ARRDC5: variants seen among roughly 807,000 people sequenced by gnomAD.
The protein encoded by ARRDC5 is arrestin domain containing 5, also known as arrestin domain-containing protein 5.
In ARRDC5, 12 loss-of-function variants were observed where a neutral mutation model predicts 13.3. The observed-to-expected ratio is 0.90, with a 90% CI of 0.58 to 1.46. The LOEUF (loss-of-function observed/expected upper bound fraction) is 1.46. Among genes scored for constraint, ARRDC5 ranks in the 40% most tolerant of loss-of-function variants. The pLI is 0.00. For missense variants in ARRDC5, 406 were observed against 418.7 expected, an observed-to-expected ratio of 0.97 and a Z score of 0.26; for synonymous variants, 181 against 173.4, an observed-to-expected ratio of 1.04 and a Z score of -0.34.
chr19:4,896,273 C>A (rs1365428190), intron 2 of ARRDC5, among the ~76,000 whole-genome samples: 4 of 142,098 alleles, frequency 2.8e-5, no homozygotes, highest in Non-Finnish European at 1.5e-5. Flanking sequence ...CGAGATCATG[C>A]CTCTGCACTT....
chr19:4,893,492 T>C (rs2031587093), intron 2 of ARRDC5, among the ~76,000 whole-genome samples: 1 of 142,100 alleles, frequency 7.0e-6, no homozygotes, highest in Non-Finnish European at 1.5e-5. Flanking sequence ...AGCAACAGAG[T>C]GAGACTCTGT....
rs1199898119 is a variant in ARRDC5 at position 4,902,720 on chromosome 19, C to T, written c.106G>A (p.Val36Met). The T allele has an allele frequency of 6.2e-7, 1 of 1,614,036 alleles. No individual in the cohort carries two copies. Among genetic ancestry groups the T allele is most frequent in the Non-Finnish European group, 8.5e-7 (1 of 1,179,902 alleles). ...QVILTLNSTL[V>M]DPIVKVELVG... ...AGCTCCACCTTCACTATGGGGTCCA[C>T]CAGGGTGCTGTTCAGGGTTAAGATC... The change falls in exon 1 of 3, where the codon GTG (valine) becomes ATG (methionine). Residue 36 changes from valine (V) to methionine (M), a missense_variant. Physicochemically the swap from Val to Met is conservative, Grantham distance 21. Transcript: ENST00000650722.
the ARRDC5 span, chr19:4,909,257 G>C: frequency 5.7e-6 from 3 of 522,648 alleles, no homozygotes; most frequent in East Asian, 7.1e-5. Context: ...TCCACGTGCG[G>C]GGGGTGACCA....
chr19:4,916,045 C>T, the ARRDC5 span, among the ~76,000 whole-genome samples: 27 of 152,078 alleles, frequency 1.8e-4, no homozygotes, highest in South Asian at 2.1e-4. Context: ...CATGGTAGCT[C>T]ACACCTGTAA....
chr19:4,910,829 G>A, the ARRDC5 span: 1 of 1,558,286 alleles, frequency 6.4e-7, no homozygotes, highest in Non-Finnish European at 8.7e-7. Flanking sequence ...GCATGGCTCA[G>A]AGGTGCTGGT....
rs750143483 is a variant in ARRDC5, at chr19:4,891,201, G to A, written c.832C>T (p.Arg278Cys). Reference sequence around the variant, plus strand: ...TGCACGGTGGTGACCAGCTCGTAGCGAGTGTGCATGATCTCACCGTCCTGC... The same window carrying A: ...TGCACGGTGGTGACCAGCTCGTAGCAAGTGTGCATGATCTCACCGTCCTGC... Reference protein sequence around the residue: ...STQDGEIMHTRYELVTTVHLP... With the variant: ...STQDGEIMHTCYELVTTVHLP... Residue 278 changes from arginine to cysteine, a missense_variant, in exon 3 of 3, where the codon CGC becomes TGC. Arg to Cys is a radical substitution (Grantham distance 180, BLOSUM62 -3). Transcript: ENST00000650722. 1.1e-5 allele frequency: 17 copies of A among 1,613,874 alleles called. No individual in the cohort carries two copies. Among genetic ancestry groups the A allele is most frequent in the East Asian group, 4.5e-5 (2 of 44,866 alleles).
Position 4,896,353 on chromosome 19 carries a change from T to A in ARRDC5, c.459+318A>T, listed in dbSNP as rs1299679057. On this transcript the variant is annotated intron_variant, in intron 2 of 2. Coordinates refer to ENST00000650722, the MANE Select transcript of ARRDC5 (RefSeq NM_001080523.3). ...AAATATATATATATATATATATTTT[T>A]TTTTTTTTACACACACACACACACA... Among the ~76,000 whole-genome samples the A allele has an allele frequency of 4.3e-3, 368 of 85,098 alleles. 15 individuals are homozygous for A. The highest frequency in any genetic ancestry group is 0.013 in the African/African-American group (268 of 21,210). 55.8% of individuals were successfully genotyped at this position (85,098 alleles called of 152,430 possible).
At chr19:4,909,103 C>T in the ARRDC5 span, 18 of 186,222 alleles carry the variant, frequency 9.7e-5, no homozygotes, top group Middle Eastern at 2.1e-3. Flanking sequence ...TAGGGGCCCC[C>T]CACATTCCCT....
chr19:4,897,031 A>G (rs1036482586), intron 1 of ARRDC5, among the ~76,000 whole-genome samples, 155 bp from the exon 2 acceptor site: 3 of 151,570 alleles, frequency 2.0e-5, no homozygotes, highest in Non-Finnish European at 4.4e-5. Flanking sequence ...ATCTCAGCTC[A>G]CAGCAACCTC....
rs369521788 is a variant in ARRDC5 at position 4,891,243 on chromosome 19, A to C, written c.790T>G (p.Ser264Ala). 55 of 1,613,566 alleles carry C rather than the reference A, an allele frequency of 3.4e-5. No homozygotes were observed. Among genetic ancestry groups the C allele is most frequent in the Non-Finnish European group, 4.5e-5 (53 of 1,179,732 alleles). ...CCGTCCTGCGTGCTGCTGCTCACGG[A>C]CAGCAGCAACGGCAGGTTGAAGGTG... ...VSTFNLPLLL[S>A]VSSSTQDGEI... Residue 264 changes from serine to alanine, a missense_variant, in exon 3 of 3, where the codon TCC becomes GCC. Physicochemically the swap from Ser to Ala is moderately conservative, Grantham distance 99. Coordinates refer to ENST00000650722, the MANE Select transcript of ARRDC5 (RefSeq NM_001080523.3).
At chr19:4,902,506 G>T in intron 1 of ARRDC5, 67 bp downstream of exon 1, 1 of 1,471,468 alleles carries the variant, frequency 6.8e-7, no homozygotes, top group South Asian at 1.2e-5. Context: ...ATTGACTCTC[G>T]GATGTGTTTA....
chr19:4,901,950 G>A (rs1440160433), intron 1 of ARRDC5, among the ~76,000 whole-genome samples: 1 of 151,964 alleles, frequency 6.6e-6, no homozygotes, highest in Admixed American at 6.6e-5. Context: ...GCTGTGGTGC[G>A]ATCTCAGCTT....
the ARRDC5 span, among the ~76,000 whole-genome samples, chr19:4,913,892 A>G: frequency 7.3e-6 from 1 of 137,384 alleles, no homozygotes; most frequent in Admixed American, 7.6e-5. Context: ...GCTTACCTCA[A>G]CCTCCACCTC....
At chr19:4,904,931 C>A (rs557684220), upstream of ARRDC5, among the ~76,000 whole-genome samples, 3 of 152,206 alleles carry the variant, frequency 2.0e-5, no homozygotes, top group African/African-American at 4.8e-5. Flanking sequence ...AGGAAGTACC[C>A]ATTCTCTAGC....
the ARRDC5 span, among the ~76,000 whole-genome samples, chr19:4,914,897 A>G: frequency 6.6e-6 from 1 of 152,176 alleles, no homozygotes; most frequent in African/African-American, 2.4e-5. Context: ...CAGGCTCACA[A>G]TGAAAGCGAA....
intron 1 of ARRDC5, among the ~76,000 whole-genome samples, chr19:4,901,421 C>T (rs2031909096): frequency 6.6e-6 from 1 of 152,104 alleles, no homozygotes; most frequent in Non-Finnish European, 1.5e-5. Context: ...CGAGACCAGC[C>T]TGGCCAACGT....
At position 4,890,781 on chromosome 19, in the gene ARRDC5, T is replaced by C. The variant is rs1272484718; in HGVS notation, c.*265A>G. The C allele has an allele frequency of 2.4e-6, 1 of 424,114 alleles. No individual in the cohort carries two copies. Among genetic ancestry groups the C allele is most frequent in the Non-Finnish European group, 4.3e-6 (1 of 234,874 alleles). The allele number at this position is 424,114 out of a possible 1,614,324, so 26.3% of individuals were successfully genotyped here. On this transcript the variant is annotated 3_prime_UTR_variant, in exon 3 of 3. Transcript: ENST00000650722. ...TGGTCTTGGCACTGTGAGACCCCAG[T>C]AGGCTGGGGCAGACTCAGGGTGGAA...
intron 2 of ARRDC5, among the ~76,000 whole-genome samples, chr19:4,896,413 T>TATATATAA (rs10637723): frequency 3.0e-5 from 4 of 135,314 alleles, no homozygotes; most frequent in East Asian, 4.1e-4. Flanking sequence ...CACATATATA[T>TATATATAA]AATTTTATTT....
At chr19:4,898,051 T>C (rs1215526233) in intron 1 of ARRDC5, among the ~76,000 whole-genome samples, 1 of 152,096 alleles carries the variant, frequency 6.6e-6, no homozygotes, top group Non-Finnish European at 1.5e-5. Flanking sequence ...CATGCCACTG[T>C]ACTCCAGCCT....
Sources: gnomAD v4.1 joint callset for allele counts (sites outside exome capture counted in the v4.1 genomes callset) on GRCh38, gnomAD v4.1.1 for gene constraint, MANE v1.5 for transcripts, NCBI Gene and HGNC (gene_info 2026-07-23, HGNC 2026-07-21) for gene names.